GALNT7: variants seen among roughly 807,000 people sequenced by gnomAD.
The protein encoded by GALNT7 is polypeptide N-acetylgalactosaminyltransferase 7.
In GALNT7, 60 loss-of-function variants were observed where a neutral mutation model predicts 82.1. The ratio of observed to expected loss-of-function variants is 0.73; its 90% CI spans 0.59 to 0.91. GALNT7 has a LOEUF of 0.91. Ranked by LOEUF, GALNT7 falls within the 40% of genes least tolerant of loss-of-function variation. The pLI is 0.00. For missense variants in GALNT7, 660 were observed against 804.2 expected, an observed-to-expected ratio of 0.82 and a Z score of 2.17; for synonymous variants, 243 against 275.1, an observed-to-expected ratio of 0.88 and a Z score of 1.15.
chr4:173,315,453 C>G (rs983295178), intron 9 of GALNT7, among the ~76,000 whole-genome samples: 1 of 152,092 alleles, frequency 6.6e-6, no homozygotes, highest in African/African-American at 2.4e-5. Flanking sequence ...AGAGGCCACT[C>G]TGGAGATGTG....
chr4:173,171,900 T>C (rs1731887719), intron 1 of GALNT7, among the ~76,000 whole-genome samples: 1 of 152,120 alleles, frequency 6.6e-6, no homozygotes, highest in African/African-American at 2.4e-5. Flanking sequence ...GTGAAAACCA[T>C]AGGGGGCAAG....
rs536975406 is a variant in GALNT7 at position 173,287,087 on chromosome 4, C to T, written c.588-5021C>T. On this transcript the variant is annotated intron_variant, in intron 2 of 11. Coordinates refer to ENST00000265000, the MANE Select transcript of GALNT7 (RefSeq NM_017423.3). ...CAGGGCCTGTTTCAGCAACTTTCTT[C>T]CCATATTAAGGGCTGTCTGAGTAAT... Among the ~76,000 whole-genome samples, 4 of 152,292 alleles carry T rather than the reference C, an allele frequency of 2.6e-5. No homozygotes were observed. In the South Asian group the frequency reaches 8.3e-4, roughly 32 times the overall value.
intron 1 of GALNT7, among the ~76,000 whole-genome samples, chr4:173,182,417 AT>A (rs1306582626): frequency 3.3e-5 from 5 of 152,168 alleles, no homozygotes; most frequent in Admixed American, 1.3e-4. Flanking sequence ...AATAACTACA[AT>A]CTATTTTTTT....
chr4:173,292,065 T>A lies in GALNT7; in HGVS notation c.588-43T>A, dbSNP rs758521817. ...ATAGTCAGCTTGGAGCCAAGCAGTA[T>A]AGATTACCTGTAAATAAATATGATG... is the stretch of plus-strand genomic sequence containing the variant. On this transcript the variant is annotated intron_variant, in intron 2 of 11. Transcript: ENST00000265000. This position sits in a 1 kb window ranked among gnomAD's most constrained non-coding sequence, Gnocchi z 4.8. 1.4e-5 allele frequency: 19 copies of A among 1,370,096 alleles called. No homozygotes were observed. The highest frequency in any genetic ancestry group is 1.7e-5 in the Non-Finnish European group (16 of 964,458). The allele number at this position is 1,370,096 out of a possible 1,614,324, so 84.9% of individuals were successfully genotyped here. A position where few individuals can be genotyped will look rare whatever the true frequency, so the allele number is the denominator to read the frequency against.
At chr4:173,196,688 T>A (rs1313650422) in intron 1 of GALNT7, among the ~76,000 whole-genome samples, 1 of 152,184 alleles carries the variant, frequency 6.6e-6, no homozygotes, top group Non-Finnish European at 1.5e-5. Flanking sequence ...TTCTTCCTGA[T>A]GCTTTCCCTG....
rs77518085 is a variant in GALNT7, at chr4:173,177,124, T to C, written c.126+8163T>C. Among the ~76,000 whole-genome samples the C allele has an allele frequency of 3.8e-3, 576 of 152,238 alleles. 4 individuals are homozygous for C. Among genetic ancestry groups the C allele is most frequent in the African/African-American group, 0.013 (542 of 41,536 alleles). On this transcript the variant is annotated intron_variant, in intron 1 of 11. Coordinates refer to ENST00000265000, the MANE Select transcript of GALNT7 (RefSeq NM_017423.3). ...AACTTCTTTAGGCTTCGGAGTCACC[T>C]AGAGGGTGTGAGAAAACGGATTACT...
chr4:173,258,939 CA>C (rs1337450180), intron 2 of GALNT7, among the ~76,000 whole-genome samples: 1 of 152,226 alleles, frequency 6.6e-6, no homozygotes, highest in African/African-American at 2.4e-5. Context: ...ACAATCTCGG[CA>C]CTTGACATTT....
At chr4:173,226,507 C>T (rs1413037689) in intron 1 of GALNT7, among the ~76,000 whole-genome samples, 1 of 152,148 alleles carries the variant, frequency 6.6e-6, no homozygotes, top group Non-Finnish European at 1.5e-5. Context: ...TCATATTAAT[C>T]CATGCTTAGG....
chr4:173,182,817 T>TACACAC lies in GALNT7; in HGVS notation c.126+13878_126+13883dup, dbSNP rs66792322. Among the ~76,000 whole-genome samples, 243 of 134,922 alleles carry TACACAC rather than the reference T, an allele frequency of 1.8e-3. 1 individual carries two copies. The highest frequency in any genetic ancestry group is 5.8e-3 in the African/African-American group (201 of 34,558). The allele number at this position is 134,922 out of a possible 152,430, so 88.5% of individuals were successfully genotyped here. On this transcript the variant is annotated intron_variant, in intron 1 of 11. Transcript: ENST00000265000. ...GATGAGGCTAGTAGGTTACTCATAA[T>TACACAC]ACACACACACACACACACACACACA...
At chr4:173,191,876 T>C (rs867631406) in intron 1 of GALNT7, among the ~76,000 whole-genome samples, 1 of 152,230 alleles carries the variant, frequency 6.6e-6, no homozygotes. Flanking sequence ...TTTAGGTGTC[T>C]TTTGTTATAC....
chr4:173,188,549 G>T (rs1463796732), intron 1 of GALNT7, among the ~76,000 whole-genome samples: 2 of 152,216 alleles, frequency 1.3e-5, no homozygotes, highest in Admixed American at 6.5e-5. Flanking sequence ...CCTGGTCACT[G>T]ATCCAGTTTT....
At position 173,322,323 on chromosome 4, in the gene GALNT7, G is replaced by A. The variant is rs545288303; in HGVS notation, c.*606G>A. 1 of 152,774 alleles carries A rather than the reference G, an allele frequency of 6.5e-6. No individual in the cohort carries two copies. The highest frequency in any genetic ancestry group is 2.4e-5 in the African/African-American group (1 of 41,546). The allele number at this position is 152,774 out of a possible 1,614,324, so 9.5% of individuals were successfully genotyped here. On this transcript the variant is annotated 3_prime_UTR_variant, in exon 12 of 12. Transcript: ENST00000265000. ...TGAAATCTATAGGATGGTAATGATG[G>A]ACTTGTCACCTGTATGGGGAATACT...
chr4:173,231,997 A>G (rs1734044735), intron 1 of GALNT7, among the ~76,000 whole-genome samples: 1 of 152,180 alleles, frequency 6.6e-6, no homozygotes. Context: ...GAAAAATATC[A>G]CTGGAACTAG....
chr4:173,198,594 G>A (rs1033687044), intron 1 of GALNT7, among the ~76,000 whole-genome samples: 4 of 152,124 alleles, frequency 2.6e-5, no homozygotes, highest in Non-Finnish European at 4.4e-5. Context: ...GATTCACAAG[G>A]CTGAAAAGTC....
intron 1 of GALNT7, among the ~76,000 whole-genome samples, chr4:173,202,865 A>G (rs1732982369): frequency 6.6e-6 from 1 of 152,146 alleles, no homozygotes; most frequent in Non-Finnish European, 1.5e-5. Context: ...AAGTGCATAT[A>G]TATTTATAAT....
chr4:173,180,629 G>T (rs1183155298), intron 1 of GALNT7, among the ~76,000 whole-genome samples: 1 of 152,144 alleles, frequency 6.6e-6, no homozygotes, highest in Admixed American at 6.5e-5. Flanking sequence ...CACCTGCCCA[G>T]TTCTTTGTTA....
chr4:173,273,749 T>C (rs1735808291), intron 2 of GALNT7, among the ~76,000 whole-genome samples: 3 of 152,198 alleles, frequency 2.0e-5, no homozygotes, highest in Non-Finnish European at 4.4e-5. Flanking sequence ...TTCCTCTCAT[T>C]CTTTCTTTAT....
At chr4:173,231,365 G>A (rs1236421852) in intron 1 of GALNT7, among the ~76,000 whole-genome samples, 1 of 152,146 alleles carries the variant, frequency 6.6e-6, no homozygotes, top group African/African-American at 2.4e-5. Context: ...GGCCCCTCGA[G>A]TTAATTGTTT....
At chr4:173,313,235 A>AT (rs945910064) in intron 8 of GALNT7, among the ~76,000 whole-genome samples, 4 of 150,942 alleles carry the variant, frequency 2.7e-5, no homozygotes, top group African/African-American at 4.9e-5. Context: ...CTGAAATGAT[A>AT]TTTTTTTCCC....
Sources: allele counts gnomAD v4.1 joint callset (sites outside exome capture counted in the v4.1 genomes callset), GRCh38; gene constraint gnomAD v4.1.1; non-coding constraint Gnocchi (gnomAD v3.1); transcripts MANE v1.5; gene names NCBI Gene and HGNC (gene_info 2026-07-23, HGNC 2026-07-21).